The following THSD7B variants were observed in gnomAD, a reference collection of about 807,000 sequenced individuals.
THSD7B encodes the protein thrombospondin type-1 domain-containing protein 7B.
A neutral mutation model predicts 213.6 loss-of-function variants in THSD7B; 138 were observed. The observed-to-expected ratio is 0.65, with a 90% CI of 0.56 to 0.74. The LOEUF is 0.74. Ranked by LOEUF, THSD7B falls within the 30% of genes least tolerant of loss-of-function variation. The pLI is 0.00. For synonymous variants in THSD7B, 742 were observed against 687.0 expected (o/e 1.08, Z -1.25); for missense variants, 1,931 against 1,991.5 (o/e 0.97, Z 0.58).
chr2:137,546,367 TATATATATAATATA>T (rs1680711516), intron 15 of THSD7B, among the ~76,000 whole-genome samples: 3 of 57,766 alleles, frequency 5.2e-5, no homozygotes, highest in Non-Finnish European at 9.1e-5. Context: ...ATATATTATA[TATATATATAATATA>T]TATATTATAT....
intron 12 of THSD7B, among the ~76,000 whole-genome samples, chr2:137,302,434 G>C (rs1683629329): frequency 6.6e-6 from 1 of 152,118 alleles, no homozygotes; most frequent in Admixed American, 6.5e-5. Context: ...AGTAAGGTGG[G>C]TTGGAGAATT....
At chr2:137,209,917 CCT>C (rs1174332857) in intron 7 of THSD7B, among the ~76,000 whole-genome samples, 1 of 151,500 alleles carries the variant, frequency 6.6e-6, no homozygotes, top group East Asian at 1.9e-4. Context: ...TAAGGTGAAC[CCT>C]GTTTGAATCT....
In THSD7B at chr2:137,640,653, CAGT is replaced by C. The variant is rs201019132; in HGVS notation, c.3800-1832_3800-1830del. ...TTTCGTCATCTATAATATGAGAAAA[CAGT>C]AGAATTTTCCTCTTGGGTTGTTATC... On this transcript the variant is annotated intron_variant, in intron 20 of 27. Coordinates refer to ENST00000409968, the MANE Select transcript of THSD7B (RefSeq NM_001316349.2). 9.1e-3 allele frequency among the ~76,000 whole-genome samples: 1,389 copies of C among 152,184 alleles called. 31 individuals carry two copies. Among genetic ancestry groups the C allele is most frequent in the African/African-American group, 0.032 (1,309 of 41,524 alleles).
chr2:137,298,647 A>G (rs6430704), intron 12 of THSD7B, among the ~76,000 whole-genome samples: 9,347 of 152,190 alleles, frequency 0.061, 534 homozygotes, highest in African/African-American at 0.14. Context: ...TTAGGGACTT[A>G]GTGCCCTGTG....
chr2:136,972,850 G>T (rs1558872299), intron 2 of THSD7B, among the ~76,000 whole-genome samples: 1 of 152,096 alleles, frequency 6.6e-6, no homozygotes, highest in Non-Finnish European at 1.5e-5. Context: ...TTTTGGGGGT[G>T]TGGGGGCAAC....
At position 137,405,748 on chromosome 2, in the gene THSD7B, A is replaced by G; in HGVS notation, c.2636A>G (p.Lys879Arg). 1.2e-6 allele frequency: 2 copies of G among 1,613,620 alleles called. No homozygotes were observed. Among genetic ancestry groups the G allele is most frequent in the Non-Finnish European group, 1.7e-6 (2 of 1,179,798 alleles). Residue 879 changes from lysine (K) to arginine (R), a missense_variant, in exon 13 of 28, where the codon AAG (lysine) becomes AGG (arginine). Coordinates refer to ENST00000409968, the MANE Select transcript of THSD7B (RefSeq NM_001316349.2). Reference sequence around the variant, plus strand: ...GACTGCACCTTCACTGCTTGGTCCAAGTTTACGCCCTGCTCCACGAACTGT... The same window carrying G: ...GACTGCACCTTCACTGCTTGGTCCAGGTTTACGCCCTGCTCCACGAACTGT... The part of the protein sequence containing the change: ...REDCTFTAWS[K>R]FTPCSTNCEA...
intron 15 of THSD7B, among the ~76,000 whole-genome samples, chr2:137,464,810 TGAAAC>T (rs1687960257): frequency 6.6e-6 from 1 of 152,094 alleles, no homozygotes; most frequent in Non-Finnish European, 1.5e-5. Flanking sequence ...CTATCCATGT[TGAAAC>T]CAGAAGTAAA....
chr2:137,606,368 C>A (rs1373151582), intron 17 of THSD7B, among the ~76,000 whole-genome samples: 1 of 152,156 alleles, frequency 6.6e-6, no homozygotes, highest in Non-Finnish European at 1.5e-5. Flanking sequence ...AACACCTCTT[C>A]TAAGAGCAGA....
intron 14 of THSD7B, among the ~76,000 whole-genome samples, chr2:137,421,735 T>C (rs1426321835): frequency 6.6e-6 from 1 of 152,024 alleles, no homozygotes; most frequent in African/African-American, 2.4e-5. Flanking sequence ...TGGAGAAGAT[T>C]AGAGTCCTGC....
intron 2 of THSD7B, among the ~76,000 whole-genome samples, chr2:136,893,078 C>T (rs1029566938): frequency 1.1e-4 from 16 of 152,088 alleles, no homozygotes; most frequent in East Asian, 5.8e-4. Flanking sequence ...TCCACATTAA[C>T]GGGAAGTCTT....
chr2:137,151,833 T>A (rs1455540454), intron 5 of THSD7B, among the ~76,000 whole-genome samples: 1 of 152,180 alleles, frequency 6.6e-6, no homozygotes, highest in East Asian at 1.9e-4. Context: ...ATGACTGTGA[T>A]GTCCTTAGGC....
At chr2:137,462,924 T>A (rs940173844) in intron 15 of THSD7B, among the ~76,000 whole-genome samples, 2 of 152,050 alleles carry the variant, frequency 1.3e-5, no homozygotes, top group Non-Finnish European at 2.9e-5. Flanking sequence ...TGCTAAGATC[T>A]ACGGTAAGAG....
chr2:137,178,099 G>A (rs538400749), intron 7 of THSD7B, among the ~76,000 whole-genome samples: 2 of 148,178 alleles, frequency 1.3e-5, no homozygotes, highest in South Asian at 4.2e-4. Context: ...AAAAGTAGTA[G>A]TATTGGTCCT....
chr2:137,603,243 A>G (rs1682109039), intron 17 of THSD7B, among the ~76,000 whole-genome samples: 2 of 152,186 alleles, frequency 1.3e-5, no homozygotes, highest in African/African-American at 4.8e-5. Flanking sequence ...ATCTCACTTC[A>G]TTGCCTTCAC....
intron 10 of THSD7B, among the ~76,000 whole-genome samples, chr2:137,262,967 C>A (rs1458034121): frequency 6.6e-6 from 1 of 152,074 alleles, no homozygotes; most frequent in Non-Finnish European, 1.5e-5. Flanking sequence ...TATGTAGAGA[C>A]TGAGGAAGGG....
At chr2:137,364,605 CAGAG>C (rs958795373) in intron 12 of THSD7B, among the ~76,000 whole-genome samples, 4 of 152,110 alleles carry the variant, frequency 2.6e-5, no homozygotes, top group African/African-American at 7.2e-5. Context: ...CAATGACAAA[CAGAG>C]AGCCAAATCA....
At chr2:137,082,544 A>G (rs951471338) in intron 3 of THSD7B, among the ~76,000 whole-genome samples, 1 of 152,180 alleles carries the variant, frequency 6.6e-6, no homozygotes, top group Non-Finnish European at 1.5e-5. Flanking sequence ...TTTTAACTTT[A>G]AACATAATTT....
chr2:137,163,914 G>A (rs1329127993), intron 6 of THSD7B, among the ~76,000 whole-genome samples: 1 of 152,168 alleles, frequency 6.6e-6, no homozygotes, highest in Non-Finnish European at 1.5e-5. Flanking sequence ...CTTTAGTCCA[G>A]TGTCCCTCCA....
intron 12 of THSD7B, among the ~76,000 whole-genome samples, chr2:137,296,141 T>C (rs550712703): frequency 3.9e-5 from 6 of 152,300 alleles, no homozygotes; most frequent in Admixed American, 2.0e-4. Context: ...ATATTCCATA[T>C]TGCAAATTTC....
Sources: gnomAD v4.1 joint callset for allele counts (sites outside exome capture counted in the v4.1 genomes callset) on GRCh38, gnomAD v4.1.1 for gene constraint, MANE v1.5 for transcripts, NCBI Gene and HGNC (gene_info 2026-07-23, HGNC 2026-07-21) for gene names.